Variants in SPINK9 observed in about 807,000 individuals in gnomAD.
SPINK9 encodes serine protease inhibitor Kazal-type 9.
SPINK9 carries 3 observed loss-of-function variants against 10.8 expected under a neutral mutation model. That is an observed-to-expected ratio of 0.28 (90% CI 0.13 to 0.72). The LOEUF (loss-of-function observed/expected upper bound fraction) is 0.72. SPINK9 is among the 30% of genes least tolerant of loss of function. The probability of loss-of-function intolerance (pLI) is 0.74; values close to 1 mark genes in which losing one functional copy is unlikely to be tolerated. For missense variants in SPINK9, 101 were observed against 103.2 expected (o/e 0.98, Z 0.09); for synonymous variants, 30 against 31.2 (o/e 0.96, Z 0.12).
chr5:148,339,174 GTAGTT>G (rs1757256152), intron 3 of SPINK9, among the ~76,000 whole-genome samples: 1 of 152,110 alleles, frequency 6.6e-6, no homozygotes, highest in South Asian at 2.1e-4. Flanking sequence ...GTAGCCAAAA[GTAGTT>G]TAAAGATTAT....
chr5:148,336,153 A>G (rs1757214662), intron 1 of SPINK9, among the ~76,000 whole-genome samples: 1 of 152,202 alleles, frequency 6.6e-6, no homozygotes, highest in South Asian at 2.1e-4. Flanking sequence ...CTGGTTATGA[A>G]GTAAAAAAGA....
chr5:148,334,609 G>A (rs980119763), upstream of SPINK9, among the ~76,000 whole-genome samples: 7 of 152,052 alleles, frequency 4.6e-5, no homozygotes, highest in African/African-American at 1.7e-4. Flanking sequence ...TACTTGGGAG[G>A]CTGAGTCAGG....
chr5:148,334,254 G>T (rs1272086352), upstream of SPINK9, among the ~76,000 whole-genome samples: 2 of 151,896 alleles, frequency 1.3e-5, no homozygotes, highest in South Asian at 2.1e-4. Flanking sequence ...ATTAAGAATT[G>T]GGGGGGATGA....
In SPINK9 at chr5:148,339,725, A is replaced by G. The variant is rs1162075958; in HGVS notation, c.*13A>G. On this transcript the variant is annotated 3_prime_UTR_variant, in exon 4 of 4. Transcript: ENST00000377906. ...TGGAAAATGTTAAATCTATCTTGTG[A>G]GTCCAAAATATCTTTTAATGCATCT... is the stretch of plus-strand genomic sequence containing the variant. 1.2e-6 allele frequency: 2 copies of G among 1,605,316 alleles called. No individual in the cohort carries two copies. The highest frequency in any genetic ancestry group is 2.7e-5 in the African/African-American group (2 of 74,702).
chr5:148,331,060 C>T (rs1437194482), upstream of SPINK9, among the ~76,000 whole-genome samples: 3 of 152,224 alleles, frequency 2.0e-5, no homozygotes, highest in African/African-American at 7.2e-5. Flanking sequence ...CCTCGCCCTG[C>T]TTCGGCTCAC....
chr5:148,332,713 C>A (rs1437741333), upstream of SPINK9, among the ~76,000 whole-genome samples: 4 of 152,136 alleles, frequency 2.6e-5, no homozygotes, highest in Non-Finnish European at 5.9e-5. Context: ...TCTAAAGTTC[C>A]ACTAAAGTGA....
intron 2 of SPINK9, among the ~76,000 whole-genome samples, chr5:148,330,022 T>A (rs1041655158): frequency 4.9e-4 from 74 of 152,218 alleles, no homozygotes; most frequent in African/African-American, 1.7e-3. Context: ...CTATTAGGTC[T>A]GCTTGGTGCA....
chr5:148,336,963 T>C (rs1451243737), intron 2 of SPINK9, among the ~76,000 whole-genome samples: 1 of 152,214 alleles, frequency 6.6e-6, no homozygotes, highest in African/African-American at 2.4e-5. Flanking sequence ...GTACTCAATT[T>C]GAGTTCCACT....
At chr5:148,334,721 A>AT (rs1491061784), upstream of SPINK9, among the ~76,000 whole-genome samples, 1 of 152,082 alleles carries the variant, frequency 6.6e-6, no homozygotes, top group Non-Finnish European at 1.5e-5. Context: ...CAAAAAAAAA[A>AT]AGAAGACGGT....
At chr5:148,335,893 T>C (rs1240602784) in intron 1 of SPINK9, among the ~76,000 whole-genome samples, 5 of 152,224 alleles carry the variant, frequency 3.3e-5, no homozygotes, top group Non-Finnish European at 7.3e-5. Flanking sequence ...GAGAATACTT[T>C]GTATAATTTT....
intron 2 of SPINK9, among the ~76,000 whole-genome samples, chr5:148,327,063 G>A (rs1193784578): frequency 3.9e-5 from 6 of 152,112 alleles, no homozygotes; most frequent in Non-Finnish European, 8.8e-5. Flanking sequence ...GGTATTTCTA[G>A]TTCTAGATCC....
intron 2 of SPINK9, among the ~76,000 whole-genome samples, chr5:148,328,937 T>A (rs555766925): frequency 5.4e-4 from 83 of 152,362 alleles, no homozygotes; most frequent in African/African-American, 2.0e-3. Flanking sequence ...GCATCAATGT[T>A]CATCAAGGAT....
At chr5:148,332,100 T>A (rs1463628813), upstream of SPINK9, among the ~76,000 whole-genome samples, 1 of 152,244 alleles carries the variant, frequency 6.6e-6, no homozygotes, top group Non-Finnish European at 1.5e-5. Context: ...TTTGGTCTAT[T>A]CTTGCAATAG....
intron 1 of SPINK9, chr5:148,321,445 A>C (rs1193193743): frequency 6.6e-6 from 1 of 152,054 alleles, no homozygotes; most frequent in Non-Finnish European, 1.5e-5. Flanking sequence ...CATTTTAATG[A>C]GAATTTCTTA....
At chr5:148,338,966 A>T (rs1757253355) in intron 3 of SPINK9, among the ~76,000 whole-genome samples, 1 of 152,128 alleles carries the variant, frequency 6.6e-6, no homozygotes, top group South Asian at 2.1e-4. Flanking sequence ...CCTCCTAAGC[A>T]TCCCATCCAC....
chr5:148,336,529 T>C, intron 2 of SPINK9, 76 bp downstream of exon 2: 1 of 1,411,150 alleles, frequency 7.1e-7, no homozygotes, highest in Non-Finnish European at 9.9e-7. Flanking sequence ...TACACAGTAA[T>C]TAAATTTCTA....
chr5:148,338,422 T>C (rs1757245373), intron 2 of SPINK9, 56 bp from the exon 3 acceptor site: 1 of 1,537,608 alleles, frequency 6.5e-7, no homozygotes, highest in South Asian at 1.3e-5. Context: ...AAATCCTAAA[T>C]CCTGATAATA....
At chr5:148,326,153 A>G (rs958943495) in intron 2 of SPINK9, among the ~76,000 whole-genome samples, 15 of 152,198 alleles carry the variant, frequency 9.9e-5, no homozygotes, top group African/African-American at 3.6e-4. Flanking sequence ...AATGCTCAAC[A>G]TCTCTAATTA....
chr5:148,338,073 C>A (rs1028413024), intron 2 of SPINK9, among the ~76,000 whole-genome samples: 3 of 152,102 alleles, frequency 2.0e-5, no homozygotes, highest in African/African-American at 4.8e-5. Context: ...CTACATTTCA[C>A]ACTTGCATTC....
Sources: gnomAD v4.1 joint callset for allele counts (sites outside exome capture counted in the v4.1 genomes callset) on GRCh38, gnomAD v4.1.1 for gene constraint, MANE v1.5 for transcripts, NCBI Gene and HGNC (gene_info 2026-07-23, HGNC 2026-07-21) for gene names.